RSU1: variants seen among roughly 807,000 people sequenced by gnomAD.
RSU1 encodes the protein rsu-1.
A neutral mutation model predicts 31.1 loss-of-function variants in RSU1; 26 were observed. The observed-to-expected ratio is 0.84, with a 90% CI of 0.61 to 1.16. The LOEUF (loss-of-function observed/expected upper bound fraction) is 1.16. Ranked by LOEUF, RSU1 falls within the 50% of genes most tolerant of loss-of-function variation. RSU1 has a pLI of 0.00. For synonymous variants in RSU1, 164 were observed against 136.3 expected (o/e 1.20, Z -1.41); for missense variants, 320 against 339.1 (o/e 0.94, Z 0.44).
intron 8 of RSU1, among the ~76,000 whole-genome samples, chr10:16,694,120 T>C (rs1273120502): frequency 6.6e-6 from 1 of 152,160 alleles, no homozygotes; most frequent in Non-Finnish European, 1.5e-5. Flanking sequence ...CCTTTCAACC[T>C]TGACACATGG....
At chr10:16,671,455 T>C (rs1303815435) in intron 8 of RSU1, among the ~76,000 whole-genome samples, 1 of 152,108 alleles carries the variant, frequency 6.6e-6, no homozygotes, top group Non-Finnish European at 1.5e-5. Context: ...GGGGTTGTTT[T>C]GTTTTTGTTT....
intron 4 of RSU1, among the ~76,000 whole-genome samples, chr10:16,755,411 C>G (rs1259926770): frequency 2.0e-5 from 3 of 151,882 alleles, no homozygotes; most frequent in Non-Finnish European, 4.4e-5. Flanking sequence ...GCGTGAGCCC[C>G]CATGCCCATC....
rs936975216 is a variant in RSU1, at chr10:16,592,908, T to C, written c.*486A>G. ...TTTTATTCTGAGTCAATAAGTAACA[T>C]GTGATACAAACTCAAGATTTTATTA... On this transcript the variant is annotated 3_prime_UTR_variant, in exon 9 of 9. Coordinates refer to ENST00000345264, the MANE Select transcript of RSU1 (RefSeq NM_012425.4). The C allele has an allele frequency of 6.5e-6, 1 of 153,194 alleles. No homozygotes were observed. The highest frequency in any genetic ancestry group is 1.5e-5 in the Non-Finnish European group (1 of 68,904). 9.5% of individuals were successfully genotyped at this position (153,194 alleles called of 1,614,324 possible).
chr10:16,738,075 G>A (rs975148590), intron 7 of RSU1, among the ~76,000 whole-genome samples: 3 of 152,180 alleles, frequency 2.0e-5, no homozygotes, highest in Non-Finnish European at 4.4e-5. Flanking sequence ...ATTTGAAACT[G>A]AATGATAATG....
In RSU1 at chr10:16,695,164, G is replaced by GT. The variant is rs1835649436; in HGVS notation, c.599-10_599-9insA. The GT allele has an allele frequency of 4.8e-6, 7 of 1,459,830 alleles. 1 individual carries two copies. Among genetic ancestry groups the GT allele is most frequent in the East Asian group, 2.5e-5 (1 of 40,110 alleles). The allele number at this position is 1,459,830 out of a possible 1,614,324, so 90.4% of individuals were successfully genotyped here. On this transcript the variant is annotated splice_polypyrimidine_tract_variant and intron_variant, in intron 7 of 8. Coordinates refer to ENST00000345264, the MANE Select transcript of RSU1 (RefSeq NM_012425.4). ...AGTTAAATCCAAGTTTCCTGGGGGGGGGGAAAAAAAAAGTGAAGGTCACTT... is the reference window on the plus strand; with the variant it reads ...AGTTAAATCCAAGTTTCCTGGGGGGGTGGGAAAAAAAAAGTGAAGGTCACTT...
intron 8 of RSU1, among the ~76,000 whole-genome samples, chr10:16,598,724 T>TA (rs1433190138): frequency 1.3e-5 from 2 of 152,332 alleles, no homozygotes; most frequent in Non-Finnish European, 2.9e-5. Flanking sequence ...AGAGGCAACC[T>TA]AGCAACACTG....
chr10:16,758,868 G>A (rs1837148559), intron 4 of RSU1, among the ~76,000 whole-genome samples: 1 of 152,204 alleles, frequency 6.6e-6, no homozygotes, highest in Non-Finnish European at 1.5e-5. Context: ...GTGACCTCAG[G>A]TGTTGAAACA....
chr10:16,779,029 T>G (rs542301194), intron 3 of RSU1, among the ~76,000 whole-genome samples: 7 of 152,380 alleles, frequency 4.6e-5, no homozygotes, highest in Admixed American at 4.6e-4. Context: ...AGTTAGTACC[T>G]GCCCATTCAT....
rs559091777 is a variant in RSU1, at chr10:16,801,866, T to A, written c.109+15107A>T. ...ATACTACTTATCAGAATTTGTGAAC[T>A]GCAGCAAAATCAATGCTAAAGGAAA... On this transcript the variant is annotated intron_variant, in intron 2 of 8. Coordinates refer to ENST00000345264, the MANE Select transcript of RSU1 (RefSeq NM_012425.4). Among the ~76,000 whole-genome samples the A allele has an allele frequency of 2.0e-5, 3 of 152,174 alleles. No individual in the cohort carries two copies. In the South Asian group the frequency reaches 6.2e-4, roughly 32 times the overall value.
chr10:16,592,210 A>G lies in RSU1; in HGVS notation c.*1184T>C, dbSNP rs1448814877. The G allele has an allele frequency of 6.6e-6, 1 of 152,124 alleles. No individual in the cohort carries two copies. The highest frequency in any genetic ancestry group is 2.4e-5 in the African/African-American group (1 of 41,406). 9.4% of individuals were successfully genotyped at this position (152,124 alleles called of 1,614,324 possible). A position where few individuals can be genotyped will look rare whatever the true frequency, so the allele number is the denominator to read the frequency against. On this transcript the variant is annotated 3_prime_UTR_variant, in exon 9 of 9. Coordinates refer to ENST00000345264, the MANE Select transcript of RSU1 (RefSeq NM_012425.4). ...GGGAAGCCGAAAGGACACAGCAGAG[A>G]AGGGCAGGCCCCCTCTCCCAGGCCA...
chr10:16,662,348 A>T (rs751959148), intron 8 of RSU1, among the ~76,000 whole-genome samples: 10 of 152,248 alleles, frequency 6.6e-5, no homozygotes, highest in Admixed American at 2.0e-4. Context: ...GATTAATCAA[A>T]AAATCATAAA....
chr10:16,785,411 T>TATACATATATACATATATATATAC (rs2131651116), intron 2 of RSU1, among the ~76,000 whole-genome samples: 1 of 134,116 alleles, frequency 7.5e-6, no homozygotes, highest in South Asian at 2.4e-4. Context: ...TCTTTCTATA[T>TATACATATATACATATATATATAC]ATATATACAT....
At chr10:16,812,883 A>G (rs1021722372) in intron 2 of RSU1, among the ~76,000 whole-genome samples, 5 of 152,216 alleles carry the variant, frequency 3.3e-5, no homozygotes, top group Non-Finnish European at 5.9e-5. Flanking sequence ...AATCAACTTT[A>G]TCAACCAGAT....
At chr10:16,659,107 A>C (rs970235709) in intron 8 of RSU1, among the ~76,000 whole-genome samples, 12 of 152,186 alleles carry the variant, frequency 7.9e-5, no homozygotes, top group African/African-American at 2.9e-4. Context: ...TTTAGATACT[A>C]ATCGGCTGTC....
At chr10:16,634,845 C>T (rs1321798311) in intron 8 of RSU1, among the ~76,000 whole-genome samples, 1 of 152,220 alleles carries the variant, frequency 6.6e-6, no homozygotes, top group African/African-American at 2.4e-5. Context: ...ACGACAGAAG[C>T]TGACTTTCTA....
At chr10:16,739,141 T>C (rs1009265099) in intron 7 of RSU1, among the ~76,000 whole-genome samples, 3 of 152,182 alleles carry the variant, frequency 2.0e-5, no homozygotes, top group Admixed American at 6.5e-5. Flanking sequence ...TTCTAAGTCT[T>C]TGCTATTGTA....
At chr10:16,713,998 A>G (rs1261275902) in intron 7 of RSU1, among the ~76,000 whole-genome samples, 1 of 152,002 alleles carries the variant, frequency 6.6e-6, no homozygotes, top group Non-Finnish European at 1.5e-5. Context: ...TGCTGTAGGT[A>G]TTTGTGGTGG....
chr10:16,758,734 A>G (rs150591455), intron 4 of RSU1, among the ~76,000 whole-genome samples: 3 of 152,192 alleles, frequency 2.0e-5, no homozygotes, highest in African/African-American at 4.8e-5. Flanking sequence ...TTATTTTTCA[A>G]AAGATTTGAG....
chr10:16,783,268 GGATAA>G (rs1305465381), intron 2 of RSU1, among the ~76,000 whole-genome samples: 2 of 151,744 alleles, frequency 1.3e-5, no homozygotes, highest in Non-Finnish European at 2.9e-5. Flanking sequence ...TTCCTTAAAC[GGATAA>G]GATAAAAATT....
Sources: allele counts gnomAD v4.1 joint callset (sites outside exome capture counted in the v4.1 genomes callset), GRCh38; gene constraint gnomAD v4.1.1; transcripts MANE v1.5; gene names NCBI Gene and HGNC (gene_info 2026-07-23, HGNC 2026-07-21).